Variants in BLOC1S5 observed in about 807,000 individuals in gnomAD.
BLOC1S5 encodes the protein biogenesis of lysosome-related organelles complex 1 subunit 5.
BLOC1S5 carries 27 observed loss-of-function variants against 24.3 expected under a neutral mutation model. The ratio of observed to expected loss-of-function variants is 1.11; its 90% CI spans 0.82 to 1.53. The LOEUF (loss-of-function observed/expected upper bound fraction) is 1.53, where lower values mean the gene tolerates loss of function less well. Among genes scored for constraint, BLOC1S5 ranks in the 40% most tolerant of loss-of-function variants. The probability of loss-of-function intolerance (pLI) is 0.00; values close to 1 mark genes in which losing one functional copy is unlikely to be tolerated. For synonymous variants in BLOC1S5, 84 were observed against 74.5 expected (o/e 1.13, Z -0.66); for missense variants, 239 against 229.4 (o/e 1.04, Z -0.27).
chr6:8,055,117 T>G (rs9406087), intron 2 of BLOC1S5, among the ~76,000 whole-genome samples: 1 of 152,194 alleles, frequency 6.6e-6, no homozygotes, highest in African/African-American at 2.4e-5. Flanking sequence ...AATTTTCTTA[T>G]GCTCCCAGAG....
chr6:8,029,412 G>A (rs1763220607), intron 3 of BLOC1S5, among the ~76,000 whole-genome samples: 1 of 152,206 alleles, frequency 6.6e-6, no homozygotes, highest in Admixed American at 6.5e-5. Context: ...TATGCTAAAA[G>A]AGGGATCATG....
chr6:8,044,747 G>A (rs1763820300), intron 2 of BLOC1S5, among the ~76,000 whole-genome samples: 2 of 152,112 alleles, frequency 1.3e-5, no homozygotes, highest in South Asian at 2.1e-4. Flanking sequence ...TTTTTTCCTT[G>A]CGCTAGAGAT....
intron 3 of BLOC1S5, among the ~76,000 whole-genome samples, chr6:8,034,908 C>A (rs533919677): frequency 3.9e-5 from 6 of 151,974 alleles, no homozygotes; most frequent in Middle Eastern, 3.4e-3. Context: ...CATCAATCAA[C>A]AAGTGGATAA....
chr6:8,015,432 C>A lies in BLOC1S5; in HGVS notation c.*217G>T. ...ATTTTCCTTCCTACTCCTCTTCATTCAAATAATCATATATAGGCACTTAAA... is the reference window on the plus strand; with the variant it reads ...ATTTTCCTTCCTACTCCTCTTCATTAAAATAATCATATATAGGCACTTAAA... On this transcript the variant is annotated 3_prime_UTR_variant, in exon 5 of 5. Transcript: ENST00000397457. 2.1e-6 allele frequency: 1 copy of A among 472,678 alleles called. No individual in the cohort carries two copies. Among genetic ancestry groups the A allele is most frequent in the South Asian group, 4.5e-5 (1 of 22,378 alleles). The allele number at this position is 472,678 out of a possible 1,614,324, so 29.3% of individuals were successfully genotyped here. A position where few individuals can be genotyped will look rare whatever the true frequency, so the allele number is the denominator to read the frequency against.
chr6:8,052,234 T>C (rs1484398831), intron 2 of BLOC1S5, among the ~76,000 whole-genome samples: 1 of 152,156 alleles, frequency 6.6e-6, no homozygotes, highest in African/African-American at 2.4e-5. Context: ...CCCAAAGTGC[T>C]GGGATTACAG....
At position 8,029,984 on chromosome 6, in the gene BLOC1S5, C is replaced by A. The variant is rs1010344836; in HGVS notation, c.326-3559G>T. Among the ~76,000 whole-genome samples, 4 of 152,238 alleles carry A rather than the reference C, an allele frequency of 2.6e-5. 1 individual carries two copies. In the Middle Eastern group the frequency reaches 0.014, roughly 518 times the overall value. On this transcript the variant is annotated intron_variant, in intron 3 of 4. Coordinates refer to ENST00000397457, the MANE Select transcript of BLOC1S5 (RefSeq NM_201280.3). ...TACATCCACAAGAAACAACAGCAAA[C>A]AAGGAATGAAGACCTCCCTAAACAG... is the stretch of plus-strand genomic sequence containing the variant.
chr6:8,039,111 A>C (rs1763594956), intron 3 of BLOC1S5, among the ~76,000 whole-genome samples: 2 of 152,252 alleles, frequency 1.3e-5, no homozygotes, highest in Non-Finnish European at 2.9e-5. Flanking sequence ...TCAGCCATAA[A>C]AATGAATGAA....
At chr6:8,027,868 G>A (rs1468334038) in intron 3 of BLOC1S5, among the ~76,000 whole-genome samples, 1 of 150,308 alleles carries the variant, frequency 6.7e-6, no homozygotes, top group Non-Finnish European at 1.5e-5. Context: ...ACTGCTCATT[G>A]TCACCAATAT....
At chr6:8,046,972 C>G (rs1383303236) in intron 2 of BLOC1S5, among the ~76,000 whole-genome samples, 1 of 151,822 alleles carries the variant, frequency 6.6e-6, no homozygotes, top group Non-Finnish European at 1.5e-5. Flanking sequence ...TTTGTAGAGA[C>G]AGGCTCTCAC....
chr6:8,025,152 T>G (rs1292924022), intron 4 of BLOC1S5, among the ~76,000 whole-genome samples: 1 of 152,244 alleles, frequency 6.6e-6, no homozygotes, highest in Non-Finnish European at 1.5e-5. Context: ...ATGATCATAG[T>G]TCTTACTTTA....
chr6:8,034,868 C>T (rs9406082), intron 3 of BLOC1S5, among the ~76,000 whole-genome samples: 128,410 of 152,060 alleles, frequency 0.84, 54,551 homozygotes, highest in East Asian at 1. Flanking sequence ...CAATTCTCAA[C>T]TGCAAAAATA....
At chr6:8,036,116 A>T (rs996399606) in intron 3 of BLOC1S5, among the ~76,000 whole-genome samples, 3 of 152,222 alleles carry the variant, frequency 2.0e-5, no homozygotes, top group Non-Finnish European at 4.4e-5. Context: ...ATGCTCCTGA[A>T]CAACCAATGA....
At chr6:8,041,046 C>A (rs1763661092) in intron 3 of BLOC1S5, 93 bp downstream of exon 3, 5 of 1,403,618 alleles carry the variant, frequency 3.6e-6, no homozygotes, top group Non-Finnish European at 4.8e-6. Flanking sequence ...TTCCCTCTCC[C>A]TCTCCACCTC....
At chr6:8,036,206 G>A (rs1763479873) in intron 3 of BLOC1S5, among the ~76,000 whole-genome samples, 3 of 151,700 alleles carry the variant, frequency 2.0e-5, no homozygotes, top group Admixed American at 2.0e-4. Context: ...CAAATCTATG[G>A]GATACAGCAA....
rs749429100 is a variant in BLOC1S5 at position 8,015,735 on chromosome 6, C to A, written c.478G>T (p.Asp160Tyr). The change falls in exon 5 of 5, where the codon GAT (aspartate) becomes TAT (tyrosine). Residue 160 changes from aspartate to tyrosine, a missense_variant. Coordinates refer to ENST00000397457, the MANE Select transcript of BLOC1S5 (RefSeq NM_201280.3). ...KEQPNKRAEV[D>Y]EEHRKAMERL... ...TCCATGGCTTTTCTGTGCTCTTCAT[C>A]CACTTCAGCCCTTTTGTTGGGTTGC... 10 of 1,614,140 alleles carry A rather than the reference C, an allele frequency of 6.2e-6. No homozygotes were observed. The Admixed American group carries it at 8.3e-5, about 13-fold the overall frequency.
At chr6:8,017,978 T>C (rs1031019247) in intron 4 of BLOC1S5, 3 of 152,266 alleles carry the variant, frequency 2.0e-5, no homozygotes, top group Admixed American at 2.0e-4. Flanking sequence ...GCACCAAGAC[T>C]GTTCAACTTC....
chr6:8,050,163 C>T (rs1298816980), intron 2 of BLOC1S5, among the ~76,000 whole-genome samples: 3 of 152,158 alleles, frequency 2.0e-5, no homozygotes, highest in Non-Finnish European at 4.4e-5. Context: ...ACCTTGTGTC[C>T]CTTTGTCACA....
chr6:8,047,632 A>G (rs919079698), intron 2 of BLOC1S5, among the ~76,000 whole-genome samples: 1 of 152,172 alleles, frequency 6.6e-6, no homozygotes, highest in Admixed American at 6.5e-5. Flanking sequence ...AATTTGTTGG[A>G]AAAAAGTGAG....
At chr6:8,025,706 C>T (rs1021176090) in intron 4 of BLOC1S5, among the ~76,000 whole-genome samples, 5 of 152,022 alleles carry the variant, frequency 3.3e-5, no homozygotes, top group African/African-American at 1.2e-4. Context: ...TTTGTCGATA[C>T]ACACACATAC....
Sources: gnomAD v4.1 joint callset for allele counts (sites outside exome capture counted in the v4.1 genomes callset) on GRCh38, gnomAD v4.1.1 for gene constraint, MANE v1.5 for transcripts, NCBI Gene and HGNC (gene_info 2026-07-23, HGNC 2026-07-21) for gene names.